Variants in STK24 observed in about 807,000 individuals in gnomAD.
The protein encoded by STK24 is serine/threonine-protein kinase 24.
A neutral mutation model predicts 55.6 loss-of-function variants in STK24; 21 were observed. The ratio of observed to expected loss-of-function variants is 0.38; its 90% CI spans 0.27 to 0.54. The LOEUF is 0.54. Ranked by LOEUF, STK24 falls within the 20% of genes least tolerant of loss-of-function variation. STK24 has a pLI of 0.79. For synonymous variants in STK24, 200 were observed against 215.2 expected (o/e 0.93, Z 0.62); for missense variants, 383 against 538.4 (o/e 0.71, Z 2.86).
intron 10 of STK24, chr13:98,456,647 T>C: frequency 2.3e-6 from 1 of 439,452 alleles, no homozygotes; most frequent in Non-Finnish European, 4.7e-6. Context: ...GTGGGGCCAC[T>C]GGGCAGGGAC....
At chr13:98,576,284 C>T in intron 1 of STK24, 2 of 936,366 alleles carry the variant, frequency 2.1e-6, no homozygotes, top group Non-Finnish European at 2.5e-6. Flanking sequence ...CTGCCCAGGT[C>T]TCCCGCCCGC....
chr13:98,460,239 A>G lies in STK24; in HGVS notation c.1122+133T>C, dbSNP rs1288182500. The G allele has an allele frequency of 6.0e-6, 5 of 835,520 alleles. No homozygotes were observed. The Admixed American group carries it at 6.6e-5, about 11-fold the overall frequency. The allele number at this position is 835,520 out of a possible 1,614,324, so 51.8% of individuals were successfully genotyped here. On this transcript the variant is annotated intron_variant, in intron 9 of 10. Coordinates refer to ENST00000539966, the MANE Select transcript of STK24 (RefSeq NM_001032296.4). ...TGCTGACAGCCTTTGGGAAGGCACCATGCAGGCTTTCCGAGCCTTTGCCAG... is the reference window on the plus strand; with the variant it reads ...TGCTGACAGCCTTTGGGAAGGCACCGTGCAGGCTTTCCGAGCCTTTGCCAG...
chr13:98,527,674 G>C (rs541824623), intron 1 of STK24, among the ~76,000 whole-genome samples: 2 of 152,204 alleles, frequency 1.3e-5, no homozygotes, highest in African/African-American at 2.4e-5. Flanking sequence ...AAACCTGAGC[G>C]GGGAGGCTCC....
chr13:98,447,989 A>G lies in STK24; in HGVS notation c.*5184T>C. ...GGCCACCTCGCTCCTAACTGCTCCA[A>G]TGGAGCGGGCAGTGTCACTGCAGCA... is the stretch of plus-strand genomic sequence containing the variant. On this transcript the variant is annotated 3_prime_UTR_variant, in exon 11 of 11. Transcript: ENST00000539966. The G allele has an allele frequency of 1.8e-6, 1 of 547,406 alleles. No homozygotes were observed. The allele number at this position is 547,406 out of a possible 1,614,324, so 33.9% of individuals were successfully genotyped here.
chr13:98,541,907 C>T (rs1896899183), intron 1 of STK24, among the ~76,000 whole-genome samples: 1 of 152,210 alleles, frequency 6.6e-6, no homozygotes, highest in South Asian at 2.1e-4. Flanking sequence ...TACTTTTCCA[C>T]TCACTACTCC....
intron 2 of STK24, among the ~76,000 whole-genome samples, chr13:98,488,118 G>T (rs1261051475): frequency 6.6e-6 from 1 of 150,952 alleles, no homozygotes; most frequent in Non-Finnish European, 1.5e-5. Flanking sequence ...TCATTAGGGT[G>T]GGCCCTGATC....
At chr13:98,500,909 C>G (rs1895431284) in intron 2 of STK24, among the ~76,000 whole-genome samples, 1 of 152,062 alleles carries the variant, frequency 6.6e-6, no homozygotes, top group South Asian at 2.1e-4. Flanking sequence ...TTTAAAGTCA[C>G]ACACCTCAAT....
chr13:98,475,907 C>T (rs74465326), intron 3 of STK24, among the ~76,000 whole-genome samples: 1,542 of 152,298 alleles, frequency 0.01, 24 homozygotes, highest in African/African-American at 0.034. Flanking sequence ...AGGAGCCAGG[C>T]GCCTCTGAGG....
intron 1 of STK24, among the ~76,000 whole-genome samples, chr13:98,551,114 G>C (rs1231952079): frequency 6.6e-6 from 1 of 151,944 alleles, no homozygotes; most frequent in Non-Finnish European, 1.5e-5. Context: ...GTGAAACCCC[G>C]TCTTTACTAA....
chr13:98,548,858 T>C (rs1897092180), intron 1 of STK24, among the ~76,000 whole-genome samples: 2 of 95,662 alleles, frequency 2.1e-5, no homozygotes. Context: ...TGAGACTCTG[T>C]CTCAAAAAAA....
intron 2 of STK24, among the ~76,000 whole-genome samples, chr13:98,495,081 CACG>C (rs1895197044): frequency 6.6e-6 from 1 of 152,222 alleles, no homozygotes; most frequent in South Asian, 2.1e-4. Flanking sequence ...CAGCAACAAC[CACG>C]ACAACTTGTT....
Position 98,481,317 on chromosome 13 carries a change from C to T in STK24, c.330+948G>A, listed in dbSNP as rs373685374. ...TACACAAGCAAATCACAGACCAGGA[C>T]GGTACAGCCACCCTCCACCTGGCTT... On this transcript the variant is annotated intron_variant, in intron 3 of 10. Coordinates refer to ENST00000539966, the MANE Select transcript of STK24 (RefSeq NM_001032296.4). 7.2e-5 allele frequency among the ~76,000 whole-genome samples: 11 copies of T among 152,344 alleles called. No homozygotes were observed. The East Asian group carries it at 1.2e-3, about 16-fold the overall frequency.
At chr13:98,486,780 A>G (rs937595042) in intron 2 of STK24, among the ~76,000 whole-genome samples, 1 of 152,194 alleles carries the variant, frequency 6.6e-6, no homozygotes, top group African/African-American at 2.4e-5. Flanking sequence ...CCGTTCAGCC[A>G]TTCTTCCTCG....
At chr13:98,531,456 T>TCCATTGCCCTGGGAAGCGCCCAGGGCA (rs1896577040) in intron 1 of STK24, among the ~76,000 whole-genome samples, 3 of 152,112 alleles carry the variant, frequency 2.0e-5, no homozygotes, top group Non-Finnish European at 4.4e-5. Context: ...CCTGGCCTCC[T>TCCATTGCCCTGGGAAGCGCCCAGGGCA]CCATTGCCCT....
At chr13:98,493,828 G>A (rs1334070350) in intron 2 of STK24, among the ~76,000 whole-genome samples, 2 of 149,364 alleles carry the variant, frequency 1.3e-5, no homozygotes, top group African/African-American at 2.5e-5. Flanking sequence ...ACGGTATTCT[G>A]CAAAAAAAAA....
intron 2 of STK24, among the ~76,000 whole-genome samples, chr13:98,507,258 G>C (rs549459730): frequency 6.6e-6 from 1 of 152,354 alleles, no homozygotes; most frequent in African/African-American, 2.4e-5. Flanking sequence ...GAGGACAACC[G>C]TCAGGTGCAG....
rs113242156 is a variant in STK24, at chr13:98,446,454, G to T, written c.*6719C>A. 3 of 609,522 alleles carry T rather than the reference G, an allele frequency of 4.9e-6. No homozygotes were observed. The African/African-American group carries it at 5.6e-5, about 11-fold the overall frequency. 37.8% of individuals were successfully genotyped at this position (609,522 alleles called of 1,614,324 possible). On this transcript the variant is annotated 3_prime_UTR_variant, in exon 11 of 11. Transcript: ENST00000539966. ...TGTCTTCTGCCTGGACAAGGGACGG[G>T]GGTTGGCTTTATCTACAGCTCAGTC...
rs2139260984 is a variant in STK24, at chr13:98,463,832, G to C, written c.788C>G (p.Pro263Arg). The C allele has an allele frequency of 1.9e-6, 3 of 1,612,036 alleles. No individual in the cohort carries two copies. The highest frequency in any genetic ancestry group is 2.5e-6 in the Non-Finnish European group (3 of 1,179,142). The change falls in exon 7 of 11, where the codon CCC (proline) becomes CGC (arginine). Residue 263 changes from proline to arginine, a missense_variant. Physicochemically the swap from Pro to Arg is moderately radical, Grantham distance 103 (BLOSUM62 -2). Coordinates refer to ENST00000539966, the MANE Select transcript of STK24 (RefSeq NM_001032296.4). Reference protein sequence around the residue: ...ACLNKEPSFRPTAKELLKHKF... With the variant: ...ACLNKEPSFRRTAKELLKHKF... ...GTGCTTCAATAACTCCTTAGCAGTG[G>C]GTCTCTGGAAAAACACACCCAACAA...
intron 1 of STK24, among the ~76,000 whole-genome samples, chr13:98,531,479 G>C (rs1326380643): frequency 7.2e-5 from 11 of 152,284 alleles, no homozygotes; most frequent in Non-Finnish European, 1.6e-4. Context: ...GAAGCGCCCA[G>C]GGCATTTCCA....
Sources: allele counts gnomAD v4.1 joint callset (sites outside exome capture counted in the v4.1 genomes callset), GRCh38; gene constraint gnomAD v4.1.1; transcripts MANE v1.5; gene names NCBI Gene and HGNC (gene_info 2026-07-23, HGNC 2026-07-21).